Variants in CAST observed in about 807,000 individuals in gnomAD.
CAST encodes calpastatin.
In CAST, 76 loss-of-function variants were observed where a neutral mutation model predicts 119.6. That is an observed-to-expected ratio of 0.64 (90% confidence interval 0.53 to 0.77). CAST has a LOEUF of 0.77. Ranked by LOEUF, CAST falls within the 30% of genes least tolerant of loss-of-function variation. The pLI is 0.00. For synonymous variants in CAST, 319 were observed against 331.6 expected (o/e 0.96, Z 0.41); for missense variants, 953 against 946.5 (o/e 1.01, Z -0.09).
chr5:96,158,038 G>A, the CAST span, among the ~76,000 whole-genome samples: 1 of 151,778 alleles, frequency 6.6e-6, no homozygotes, highest in South Asian at 2.1e-4. Context: ...TGTAATTCCA[G>A]TGCCCCCCTT....
chr5:96,441,193 T>G, the CAST span, among the ~76,000 whole-genome samples: 6 of 152,328 alleles, frequency 3.9e-5, no homozygotes, highest in South Asian at 1.0e-3. Flanking sequence ...TACACAAGTT[T>G]GTCAAATTCT....
intron 1 of CAST, among the ~76,000 whole-genome samples, chr5:96,635,812 G>C (rs966903838): frequency 6.6e-6 from 1 of 152,108 alleles, no homozygotes; most frequent in Non-Finnish European, 1.5e-5. Context: ...TTCCACTTCA[G>C]GTTATTTTAA....
chr5:96,743,472 G>T, intron 16 of CAST: 1 of 1,060,006 alleles, frequency 9.4e-7, no homozygotes. Flanking sequence ...CCAGGAGCCC[G>T]CCCCACCTCC....
At chr5:96,701,885 C>T (rs1195012914) in intron 3 of CAST, among the ~76,000 whole-genome samples, 16 of 151,788 alleles carry the variant, frequency 1.1e-4, no homozygotes, top group Admixed American at 1.1e-3. Context: ...GCTCTTATTT[C>T]ACTAGATTTT....
chr5:96,513,426 G>A, the CAST span, among the ~76,000 whole-genome samples: 177 of 152,334 alleles, frequency 1.2e-3, no homozygotes, highest in Middle Eastern at 3.4e-3. Context: ...GTGCAGGGGT[G>A]ATACCCTTGA....
the CAST span, among the ~76,000 whole-genome samples, chr5:96,198,138 TAGAGAAGGCGGCCTTTGC>T: frequency 2.0e-5 from 3 of 152,242 alleles, no homozygotes; most frequent in East Asian, 5.8e-4. Context: ...TGGCAATCTG[TAGAGAAGGCGGCCTTTGC>T]AGAGATGGGC....
intron 1 of CAST, among the ~76,000 whole-genome samples, chr5:96,583,129 C>T (rs1198966067): frequency 6.6e-6 from 1 of 151,906 alleles, no homozygotes; most frequent in Non-Finnish European, 1.5e-5. Flanking sequence ...CTTCAGAACG[C>T]CCCACCTTAA....
the CAST span, among the ~76,000 whole-genome samples, chr5:96,055,515 T>G: frequency 6.6e-6 from 1 of 152,200 alleles, no homozygotes; most frequent in Non-Finnish European, 1.5e-5. Flanking sequence ...AGGTCTGTAT[T>G]CAATATAAGG....
At chr5:96,073,310 G>A in the CAST span, among the ~76,000 whole-genome samples, 1 of 152,162 alleles carries the variant, frequency 6.6e-6, no homozygotes. Context: ...GAGCACTTAG[G>A]ATACAGTAGG....
At chr5:96,344,507 A>G in the CAST span, among the ~76,000 whole-genome samples, 1 of 152,210 alleles carries the variant, frequency 6.6e-6, no homozygotes. Flanking sequence ...CTCATGTGCC[A>G]TGAAAAGAAT....
chr5:96,394,432 T>C, the CAST span, among the ~76,000 whole-genome samples: 3,583 of 152,328 alleles, frequency 0.024, 51 homozygotes, highest in South Asian at 0.052. Context: ...GATTTGGCCA[T>C]TTGAGCCTTG....
chr5:96,423,148 T>C, the CAST span, among the ~76,000 whole-genome samples: 1 of 152,124 alleles, frequency 6.6e-6, no homozygotes. Flanking sequence ...TGGTACAAAA[T>C]AAATTCATAT....
chr5:96,398,753 T>G, the CAST span: 2 of 819,636 alleles, frequency 2.4e-6, no homozygotes, highest in Admixed American at 2.0e-5. Context: ...AAAATAAGCA[T>G]GTTTTTTAAG....
At chr5:96,074,204 A>T in the CAST span, among the ~76,000 whole-genome samples, 2 of 151,934 alleles carry the variant, frequency 1.3e-5, no homozygotes, top group Admixed American at 1.3e-4. Flanking sequence ...TCTGTAAGTG[A>T]TTCAATATCC....
the CAST span, among the ~76,000 whole-genome samples, chr5:95,975,842 T>A: frequency 6.6e-6 from 1 of 152,182 alleles, no homozygotes; most frequent in Non-Finnish European, 1.5e-5. Context: ...TATTGCCTAC[T>A]GGGCCCTTAA....
the CAST span, among the ~76,000 whole-genome samples, chr5:96,041,780 G>A: frequency 6.6e-6 from 1 of 152,016 alleles, no homozygotes; most frequent in African/African-American, 2.4e-5. Flanking sequence ...AATAGTAGGA[G>A]GCATGGTTCT....
the CAST span, among the ~76,000 whole-genome samples, chr5:96,441,847 G>A: frequency 2.7e-4 from 41 of 151,902 alleles, no homozygotes; most frequent in Admixed American, 5.9e-4. Flanking sequence ...GTGATTATGC[G>A]TATGGGTGAT....
At chr5:96,697,917 C>A (rs1371228864) in intron 3 of CAST, among the ~76,000 whole-genome samples, 1 of 152,242 alleles carries the variant, frequency 6.6e-6, no homozygotes, top group Non-Finnish European at 1.5e-5. Context: ...TGTTAATCTT[C>A]ATATTCTGTT....
At chr5:96,358,068 T>C in the CAST span, among the ~76,000 whole-genome samples, 1 of 152,204 alleles carries the variant, frequency 6.6e-6, no homozygotes, top group Admixed American at 6.5e-5. Flanking sequence ...GGAGGGTGTG[T>C]GTGTCCAGGA....
Sources: allele counts gnomAD v4.1 joint callset (sites outside exome capture counted in the v4.1 genomes callset), GRCh38; gene constraint gnomAD v4.1.1; transcripts MANE v1.5; gene names NCBI Gene and HGNC (gene_info 2026-07-23, HGNC 2026-07-21).